SF3A3: variants seen among roughly 807,000 people sequenced by gnomAD.
The protein encoded by SF3A3 is splicing factor 3a subunit 3, also known as SAP 61.
Under a neutral mutation model 85.8 loss-of-function variants are expected in SF3A3, and 9 were observed. The observed-to-expected ratio is 0.10, with a 90% CI of 0.06 to 0.18. SF3A3 has a LOEUF of 0.18. SF3A3 is among the 10% of genes least tolerant of loss of function. SF3A3 has a pLI of 1.00. For missense variants in SF3A3, 306 were observed against 593.3 expected (o/e 0.52, Z 5.03); for synonymous variants, 195 against 204.4 (o/e 0.95, Z 0.39).
intron 14 of SF3A3, among the ~76,000 whole-genome samples, chr1:37,969,133 A>G (rs538599511): frequency 4.6e-4 from 70 of 152,338 alleles, no homozygotes; most frequent in African/African-American, 1.5e-3. Flanking sequence ...AATAAGGTTC[A>G]AAGAGTGGTG....
At chr1:37,971,558 A>G (rs1646344733) in intron 12 of SF3A3, among the ~76,000 whole-genome samples, 1 of 152,208 alleles carries the variant, frequency 6.6e-6, no homozygotes, top group Non-Finnish European at 1.5e-5. Context: ...CAACAAAAAA[A>G]AGAGAATTTT....
chr1:37,965,935 T>C (rs1646296807), intron 15 of SF3A3, among the ~76,000 whole-genome samples: 1 of 152,186 alleles, frequency 6.6e-6, no homozygotes, highest in South Asian at 2.1e-4. Flanking sequence ...GCGCGGTGGC[T>C]AACGCCTGTA....
intron 12 of SF3A3, among the ~76,000 whole-genome samples, chr1:37,972,563 A>C (rs937804155): frequency 6.6e-6 from 1 of 152,242 alleles, no homozygotes; most frequent in African/African-American, 2.4e-5. Context: ...CTGCCTTGCC[A>C]AGACAATCCT....
chr1:37,982,161 G>A (rs1557754450), intron 6 of SF3A3, among the ~76,000 whole-genome samples: 2 of 152,052 alleles, frequency 1.3e-5, no homozygotes, highest in Non-Finnish European at 2.9e-5. Flanking sequence ...ATTTGTTCAC[G>A]CAAGTAACTA....
At chr1:37,978,036 A>T (rs1646391138) in intron 11 of SF3A3, among the ~76,000 whole-genome samples, 1 of 151,522 alleles carries the variant, frequency 6.6e-6, no homozygotes, top group Non-Finnish European at 1.5e-5. Context: ...AAAAACAAAC[A>T]AACAAAAAAA....
intron 2 of SF3A3, among the ~76,000 whole-genome samples, chr1:37,988,769 C>G (rs996735997): frequency 6.6e-6 from 1 of 151,988 alleles, no homozygotes; most frequent in Non-Finnish European, 1.5e-5. Context: ...TTTTAATAAA[C>G]TGAACTATTA....
intron 12 of SF3A3, among the ~76,000 whole-genome samples, chr1:37,972,823 T>C (rs1226754330): frequency 6.6e-6 from 1 of 152,206 alleles, no homozygotes; most frequent in African/African-American, 2.4e-5. Context: ...TAGACATATG[T>C]AGAAAGCTGA....
At chr1:37,980,134 C>CG (rs1646407010) in intron 8 of SF3A3, among the ~76,000 whole-genome samples, 1 of 1,888 alleles carries the variant, frequency 5.3e-4, no homozygotes. Context: ...CTCAAAAAAA[C>CG]TCACATACGG....
At chr1:37,984,884 T>G in intron 4 of SF3A3, 105 bp from the exon 5 acceptor site, 1 of 880,006 alleles carries the variant, frequency 1.1e-6, no homozygotes, top group Non-Finnish European at 1.9e-6. Flanking sequence ...CTTGGCTCAC[T>G]GCAACCTCTA....
At chr1:37,969,764 G>A in intron 12 of SF3A3, 29 bp from the exon 13 acceptor site, 1 of 1,603,108 alleles carries the variant, frequency 6.2e-7, no homozygotes, top group South Asian at 1.1e-5. Flanking sequence ...TGAAAAGTCA[G>A]AAAAAAGTAG....
chr1:37,989,530 A>T lies in SF3A3; in HGVS notation c.144+18T>A. 2 of 1,612,102 alleles carry T rather than the reference A, an allele frequency of 1.2e-6. No homozygotes were observed. The highest frequency in any genetic ancestry group is 1.7e-6 in the Non-Finnish European group (2 of 1,179,370). On this transcript the variant is annotated intron_variant, in intron 2 of 16. Coordinates refer to ENST00000373019, the MANE Select transcript of SF3A3 (RefSeq NM_006802.4). ...CGCCCTCGCCAACCCAAAGAGAGGC[A>T]GACAGCTGGGCACTCACATCTTGCA...
intron 7 of SF3A3, 118 bp from the exon 8 acceptor site, chr1:37,980,842 T>C (rs1233685130): frequency 1.3e-4 from 1 of 7,410 alleles, no homozygotes; most frequent in Non-Finnish European, 2.9e-4. Context: ...TTTAATACTC[T>C]TTTTTTTTTT....
Position 37,979,253 on chromosome 1 carries a change from T to C in SF3A3, c.760-198A>G. On this transcript the variant is annotated intron_variant, in intron 9 of 16. Transcript: ENST00000373019. Reference sequence around the variant, plus strand: ...TTAACCATACTGATAGTGTTCCATTTACTTTACTACGGCTTAATGTAGTTA... The same window carrying C: ...TTAACCATACTGATAGTGTTCCATTCACTTTACTACGGCTTAATGTAGTTA... 6.4e-6 allele frequency: 4 copies of C among 622,982 alleles called. No homozygotes were observed. In the South Asian group the frequency reaches 8.2e-5, roughly 13 times the overall value. The allele number at this position is 622,982 out of a possible 1,614,324, so 38.6% of individuals were successfully genotyped here. A position where few individuals can be genotyped will look rare whatever the true frequency, so the allele number is the denominator to read the frequency against.
chr1:37,985,821 T>C (rs905779811), intron 4 of SF3A3, among the ~76,000 whole-genome samples: 39 of 152,154 alleles, frequency 2.6e-4, no homozygotes, highest in African/African-American at 9.4e-4. Context: ...GCGCTATGTA[T>C]TGCAATAAAC....
intron 15 of SF3A3, among the ~76,000 whole-genome samples, chr1:37,961,759 C>CAAAAA (rs10699691): frequency 0.047 from 1,767 of 37,448 alleles, 151 homozygotes; most frequent in East Asian, 0.063. Context: ...GCAAGACTGC[C>CAAAAA]AAAAAAAAAA....
intron 12 of SF3A3, among the ~76,000 whole-genome samples, chr1:37,975,135 C>T (rs1192079360): frequency 6.6e-6 from 1 of 152,188 alleles, no homozygotes; most frequent in Non-Finnish European, 1.5e-5. Context: ...AAAATCTTAT[C>T]AGTTCATAGT....
intron 4 of SF3A3, among the ~76,000 whole-genome samples, chr1:37,985,207 G>A (rs540015157): frequency 1.3e-4 from 20 of 152,326 alleles, no homozygotes; most frequent in African/African-American, 4.3e-4. Flanking sequence ...TTTTCACTAG[G>A]AAATCTACTA....
At chr1:37,973,998 G>A (rs528776480) in intron 12 of SF3A3, among the ~76,000 whole-genome samples, 19 of 152,150 alleles carry the variant, frequency 1.2e-4, no homozygotes, top group Non-Finnish European at 1.8e-4. Context: ...ACCAAACACC[G>A]AATGTTCTCA....
intron 12 of SF3A3, among the ~76,000 whole-genome samples, chr1:37,972,824 A>T (rs1646352796): frequency 6.6e-6 from 1 of 152,234 alleles, no homozygotes; most frequent in Non-Finnish European, 1.5e-5. Context: ...AGACATATGT[A>T]GAAAGCTGAA....
Sources: gnomAD v4.1 joint callset for allele counts (sites outside exome capture counted in the v4.1 genomes callset) on GRCh38, gnomAD v4.1.1 for gene constraint, MANE v1.5 for transcripts, NCBI Gene and HGNC (gene_info 2026-07-23, HGNC 2026-07-21) for gene names.